The following NR4A3 variants were observed in gnomAD, a reference collection of about 807,000 sequenced individuals.
NR4A3 encodes chondrosarcoma, extraskeletal myxoid, fused to EWS.
NR4A3 carries 13 observed loss-of-function variants against 55.6 expected under a neutral mutation model. That is an observed-to-expected ratio of 0.23 (90% CI 0.15 to 0.37). The LOEUF is 0.37. Ranked by LOEUF, NR4A3 falls within the 10% of genes least tolerant of loss-of-function variation. The probability of loss-of-function intolerance (pLI) is 1.00; values close to 1 mark genes in which losing one functional copy is unlikely to be tolerated. For synonymous variants in NR4A3, 342 were observed against 357.9 expected (o/e 0.96, Z 0.50); for missense variants, 646 against 822.8 (o/e 0.79, Z 2.63).
rs1030847716 is a variant in NR4A3, at chr9:99,865,158, A to G, written c.*1291A>G. On this transcript the variant is annotated 3_prime_UTR_variant, in exon 8 of 8. Coordinates refer to ENST00000395097, the MANE Select transcript of NR4A3 (RefSeq NM_006981.4). The surrounding 1 kb of genome is among the most constrained non-coding windows in gnomAD (Gnocchi z 4.3). Reference sequence around the variant, plus strand: ...TTTGTTGCATAGTGTCCTTATTTGTATAAACATTTGTATGCACGTTATATT... The same window carrying G: ...TTTGTTGCATAGTGTCCTTATTTGTGTAAACATTTGTATGCACGTTATATT... 3.1e-5 allele frequency: 6 copies of G among 191,784 alleles called. No individual in the cohort carries two copies. The East Asian group carries it at 3.3e-4, about 10-fold the overall frequency. 11.9% of individuals were successfully genotyped at this position (191,784 alleles called of 1,614,324 possible). A position where few individuals can be genotyped will look rare whatever the true frequency, so the allele number is the denominator to read the frequency against.
chr9:99,841,745 C>T (rs1489905845), intron 5 of NR4A3, among the ~76,000 whole-genome samples: 4 of 122,432 alleles, frequency 3.3e-5, no homozygotes, highest in African/African-American at 1.0e-4. Context: ...GAGTTCAAGA[C>T]CTGCCTAGGC....
chr9:99,860,553 A>G (rs1827994692), intron 7 of NR4A3, among the ~76,000 whole-genome samples: 1 of 152,180 alleles, frequency 6.6e-6, no homozygotes, highest in African/African-American at 2.4e-5. Context: ...TGGGGAGAAA[A>G]TAAAACTTTA....
At chr9:99,827,916 AAGG>A (rs1827337049) in intron 2 of NR4A3, 122 bp from the exon 3 acceptor site, 2 of 1,151,122 alleles carry the variant, frequency 1.7e-6, no homozygotes, top group African/African-American at 1.5e-5. Context: ...ATGCTACCAG[AAGG>A]AGGAGAGGAT....
intron 7 of NR4A3, among the ~76,000 whole-genome samples, chr9:99,852,549 T>C (rs1827867490): frequency 6.6e-6 from 1 of 152,186 alleles, no homozygotes; most frequent in Non-Finnish European, 1.5e-5. Flanking sequence ...ACGCTTTTCC[T>C]GTACAGAAAT....
chr9:99,858,484 A>G (rs560757610), intron 7 of NR4A3, among the ~76,000 whole-genome samples: 2 of 152,372 alleles, frequency 1.3e-5, no homozygotes, highest in Non-Finnish European at 2.9e-5. Flanking sequence ...TATCTGTCGC[A>G]TCTCTAACCC....
rs540616687 is a variant in NR4A3, at chr9:99,852,836, A to G, written c.1633+5221A>G. Among the ~76,000 whole-genome samples, 5 of 152,232 alleles carry G rather than the reference A, an allele frequency of 3.3e-5. No individual in the cohort carries two copies. In the South Asian group the frequency reaches 1.0e-3, roughly 32 times the overall value. On this transcript the variant is annotated intron_variant, in intron 7 of 7. Transcript: ENST00000395097. Reference sequence around the variant, plus strand: ...CTAGACAGGTGGCTGACCACGGCACACCCTCCACCATCTGTCTTTCCAGAG... The same window carrying G: ...CTAGACAGGTGGCTGACCACGGCACGCCCTCCACCATCTGTCTTTCCAGAG...
intron 7 of NR4A3, among the ~76,000 whole-genome samples, chr9:99,862,649 A>T (rs549105514): frequency 1.4e-3 from 205 of 149,876 alleles, no homozygotes; most frequent in African/African-American, 4.6e-3. Context: ...TGTGGATGTC[A>T]GGCTCCCTTC....
intron 3 of NR4A3, 22 bp from the exon 4 acceptor site, chr9:99,832,667 A>C: frequency 6.4e-7 from 1 of 1,553,350 alleles, no homozygotes; most frequent in Non-Finnish European, 8.8e-7. Flanking sequence ...TCAGTTGACT[A>C]TCTTGTATTA....
intron 7 of NR4A3, among the ~76,000 whole-genome samples, chr9:99,860,919 G>A (rs1038195227): frequency 6.6e-6 from 1 of 152,180 alleles, no homozygotes; most frequent in Non-Finnish European, 1.5e-5. Flanking sequence ...CCATGGAGTT[G>A]GGTTTTATTA....
At chr9:99,861,467 A>G (rs1162124419) in intron 7 of NR4A3, among the ~76,000 whole-genome samples, 2 of 151,610 alleles carry the variant, frequency 1.3e-5, no homozygotes, top group Non-Finnish European at 2.9e-5. Flanking sequence ...GTGAGCTGAG[A>G]TTTCACCACT....
At chr9:99,848,431 G>C (rs1827793612) in intron 7 of NR4A3, among the ~76,000 whole-genome samples, 2 of 152,108 alleles carry the variant, frequency 1.3e-5, no homozygotes, top group Non-Finnish European at 2.9e-5. Flanking sequence ...TGCAACCTCT[G>C]CCTCCTGGGT....
chr9:99,863,185 G>A (rs1828037952), intron 7 of NR4A3, among the ~76,000 whole-genome samples: 1 of 152,184 alleles, frequency 6.6e-6, no homozygotes, highest in African/African-American at 2.4e-5. Context: ...ATGTCACTCT[G>A]AAAAATAGTT....
At chr9:99,855,929 A>G (rs1380954209) in intron 7 of NR4A3, among the ~76,000 whole-genome samples, 2 of 152,098 alleles carry the variant, frequency 1.3e-5, no homozygotes, top group African/African-American at 4.8e-5. Flanking sequence ...GGTTACTATC[A>G]TCCCTTTCTT....
intron 2 of NR4A3, 134 bp from the exon 3 acceptor site, chr9:99,827,906 AT>A (rs1206392875): frequency 2.7e-6 from 3 of 1,095,840 alleles, no homozygotes; most frequent in Non-Finnish European, 3.9e-6. Context: ...CTTTGTGTCT[AT>A]GCTACCAGAA....
chr9:99,826,905 T>C, intron 2 of NR4A3: 1 of 1,201,042 alleles, frequency 8.3e-7, no homozygotes. Flanking sequence ...GGTTTTCCTT[T>C]GGCTCAGAAA....
In NR4A3 at chr9:99,866,795, A is replaced by G. The variant is rs928749568; in HGVS notation, c.*2928A>G. The G allele has an allele frequency of 4.7e-6, 1 of 214,190 alleles. No homozygotes were observed. Among genetic ancestry groups the G allele is most frequent in the Non-Finnish European group, 9.5e-6 (1 of 105,754 alleles). 13.3% of individuals were successfully genotyped at this position (214,190 alleles called of 1,614,324 possible). On this transcript the variant is annotated 3_prime_UTR_variant, in exon 8 of 8. Coordinates refer to ENST00000395097, the MANE Select transcript of NR4A3 (RefSeq NM_006981.4). Reference sequence around the variant, plus strand: ...AAAGTTTCTCTGCTCCTCTAACAGCATTGCTCTTTAGTGTGTGTTAACCTG... The same window carrying G: ...AAAGTTTCTCTGCTCCTCTAACAGCGTTGCTCTTTAGTGTGTGTTAACCTG...
intron 5 of NR4A3, among the ~76,000 whole-genome samples, chr9:99,837,793 G>T (rs1212256495): frequency 6.6e-6 from 1 of 152,150 alleles, no homozygotes; most frequent in East Asian, 1.9e-4. Flanking sequence ...AGTGAGTCAG[G>T]TCAATAGAGA....
rs201549927 is a variant in NR4A3 at position 99,848,871 on chromosome 9, C to A, written c.1633+1256C>A. ...GGAGAGTTTCCTGTTAGACCTCATTCTTTCTGGTCAGACTGGGGCCTGGGG... is the reference window on the plus strand; with the variant it reads ...GGAGAGTTTCCTGTTAGACCTCATTATTTCTGGTCAGACTGGGGCCTGGGG... On this transcript the variant is annotated intron_variant, in intron 7 of 7. Coordinates refer to ENST00000395097, the MANE Select transcript of NR4A3 (RefSeq NM_006981.4). Among the ~76,000 whole-genome samples the A allele has an allele frequency of 4.6e-5, 7 of 152,318 alleles. No individual in the cohort carries two copies. The East Asian group carries it at 1.4e-3, about 29-fold the overall frequency.
In NR4A3 at chr9:99,822,995, A is replaced by G. The variant is rs917884738; in HGVS notation, c.-177+588A>G. On this transcript the variant is annotated intron_variant, in intron 1 of 7. Coordinates refer to ENST00000395097, the MANE Select transcript of NR4A3 (RefSeq NM_006981.4). This position sits in a 1 kb window ranked among gnomAD's most constrained non-coding sequence, Gnocchi z 4.9. ...CAGGAAAGAGGGCGTAATTGTAGGA[A>G]TGTGGCTTATTGTATTGAAATGAGC... Among the ~76,000 whole-genome samples, 3 of 152,132 alleles carry G rather than the reference A, an allele frequency of 2.0e-5. No individual in the cohort carries two copies. Among genetic ancestry groups the G allele is most frequent in the African/African-American group, 4.8e-5 (2 of 41,432 alleles).
Sources: gnomAD v4.1 joint callset for allele counts (sites outside exome capture counted in the v4.1 genomes callset) on GRCh38, gnomAD v4.1.1 for gene constraint, Gnocchi (gnomAD v3.1) non-coding constraint, MANE v1.5 for transcripts, NCBI Gene and HGNC (gene_info 2026-07-23, HGNC 2026-07-21) for gene names.